Variants in ARHGEF1 observed in about 807,000 individuals in gnomAD.
The protein encoded by ARHGEF1 is 115 kDa guanine nucleotide exchange factor.
Under a neutral mutation model 119.7 loss-of-function variants are expected in ARHGEF1, and 40 were observed. That is an observed-to-expected ratio of 0.33 (90% CI 0.26 to 0.44). The LOEUF is 0.44. Ranked by LOEUF, ARHGEF1 falls within the 20% of genes least tolerant of loss-of-function variation. The pLI is 1.00. For missense variants in ARHGEF1, 976 were observed against 1,268.3 expected (o/e 0.77, Z 3.50); for synonymous variants, 494 against 521.0 (o/e 0.95, Z 0.71).
intron 1 of ARHGEF1, among the ~76,000 whole-genome samples, chr19:41,886,842 T>C (rs1408636855): frequency 6.6e-6 from 1 of 152,146 alleles, no homozygotes; most frequent in Non-Finnish European, 1.5e-5. Flanking sequence ...ATAAATAGCT[T>C]TGGGCTGTGG....
At chr19:41,896,351 C>CATTAAAA in intron 12 of ARHGEF1, 26 bp from the exon 13 acceptor site, 2 of 1,269,474 alleles carry the variant, frequency 1.6e-6, no homozygotes, top group Admixed American at 3.7e-5. Flanking sequence ...GGCCTTCCAG[C>CATTAAAA]CAGCCCTGCT....
upstream of ARHGEF1, among the ~76,000 whole-genome samples, chr19:41,921,519 AG>A (rs377029928): frequency 5.3e-3 from 810 of 152,104 alleles, 4 homozygotes; most frequent in African/African-American, 0.019. This position sits in a 1 kb window ranked among gnomAD's most constrained non-coding sequence, Gnocchi z 4.4. Flanking sequence ...AGAGACAGGC[AG>A]GGGGAGATCC....
rs782070641 is a variant in ARHGEF1 at position 41,888,906 on chromosome 19, G to A, written c.225+41G>A. 2 of 1,549,202 alleles carry A rather than the reference G, an allele frequency of 1.3e-6. No homozygotes were observed. Among genetic ancestry groups the A allele is most frequent in the Non-Finnish European group, 1.8e-6 (2 of 1,129,686 alleles). On this transcript the variant is annotated intron_variant, in intron 4 of 28. Coordinates refer to ENST00000354532, the MANE Select transcript of ARHGEF1 (RefSeq NM_004706.4). The surrounding 1 kb of genome is among the most constrained non-coding windows in gnomAD (Gnocchi z 5.1). Reference sequence around the variant, plus strand: ...GGTGGGCACAGGGAGGGGTGGGGCTGGGACAGGCACAGCTTTTAGCGAATT... The same window carrying A: ...GGTGGGCACAGGGAGGGGTGGGGCTAGGACAGGCACAGCTTTTAGCGAATT...
At chr19:41,907,518 C>G (rs1340429101), downstream of ARHGEF1, 1 of 1,007,752 alleles carries the variant, frequency 9.9e-7, no homozygotes, top group Non-Finnish European at 1.4e-6. Context: ...GACTGTCTGG[C>G]GTTGACATCC....
At chr19:41,921,033 G>A (rs182589911), upstream of ARHGEF1, among the ~76,000 whole-genome samples, 30 of 152,346 alleles carry the variant, frequency 2.0e-4, no homozygotes, top group Admixed American at 1.2e-3. The surrounding 1 kb of genome is among the most constrained non-coding windows in gnomAD (Gnocchi z 4.4). Context: ...GCAGCGCTCC[G>A]AATGGTGTCA....
Position 41,906,096 on chromosome 19 carries a change from T to A in ARHGEF1, c.2491+71T>A. ...GCCTCTGTTCCAACTAGAACAAGGC[T>A]CTCCACGTCAAAAATTTCCTTACGC... On this transcript the variant is annotated intron_variant, in intron 26 of 28. Transcript: ENST00000354532. This position sits in a 1 kb window ranked among gnomAD's most constrained non-coding sequence, Gnocchi z 4.5. 2 of 1,430,354 alleles carry A rather than the reference T, an allele frequency of 1.4e-6. No individual in the cohort carries two copies. The highest frequency in any genetic ancestry group is 2.3e-5 in the South Asian group (2 of 86,150). The allele number at this position is 1,430,354 out of a possible 1,614,324, so 88.6% of individuals were successfully genotyped here. A position where few individuals can be genotyped will look rare whatever the true frequency, so the allele number is the denominator to read the frequency against.
In ARHGEF1 at chr19:41,903,306, G is replaced by A; in HGVS notation, c.1739-1G>A. On this transcript the variant is annotated splice_acceptor_variant, in intron 18 of 28. Transcript: ENST00000354532. LOFTEE classifies it high-confidence loss of function. This position sits in a 1 kb window ranked among gnomAD's most constrained non-coding sequence, Gnocchi z 4.2. ...AGAGCTGCTCTCTCCCTTGCCTGCA[G>A]AAGAGCCCACAGAACGGGAGAAAGT... 6.2e-7 allele frequency: 1 copy of A among 1,613,810 alleles called. No individual in the cohort carries two copies. The highest frequency in any genetic ancestry group is 8.5e-7 in the Non-Finnish European group (1 of 1,179,940).
At position 41,903,900 on chromosome 19, in the gene ARHGEF1, C is replaced by G; in HGVS notation, c.1917+116C>G. 4 of 1,360,412 alleles carry G rather than the reference C, an allele frequency of 2.9e-6. No homozygotes were observed. The highest frequency in any genetic ancestry group is 1.8e-5 in the Admixed American group (1 of 54,054). 84.3% of individuals were successfully genotyped at this position (1,360,412 alleles called of 1,614,324 possible). A position where few individuals can be genotyped will look rare whatever the true frequency, so the allele number is the denominator to read the frequency against. On this transcript the variant is annotated intron_variant, in intron 20 of 28. Transcript: ENST00000354532. The surrounding 1 kb of genome is among the most constrained non-coding windows in gnomAD (Gnocchi z 4.2). ...ATAATACACCCAGGAAGCGAGAGCTCTGTCCCCCACCTCATGCCAATCCCA... is the reference window on the plus strand; with the variant it reads ...ATAATACACCCAGGAAGCGAGAGCTGTGTCCCCCACCTCATGCCAATCCCA...
chr19:41,911,743 G>A (rs1364506659), downstream of ARHGEF1, among the ~76,000 whole-genome samples: 1 of 152,222 alleles, frequency 6.6e-6, no homozygotes, highest in Admixed American at 6.5e-5. Context: ...CACACCCACA[G>A]GACCCCAAGG....
intron 14 of ARHGEF1, among the ~76,000 whole-genome samples, chr19:41,899,505 CTTTTTTTTTTTT>C (rs575816890): frequency 6.9e-5 from 7 of 101,768 alleles, no homozygotes; most frequent in Admixed American, 6.7e-4. Flanking sequence ...AAAGAGAAAG[CTTTTTTTTTTTT>C]TTTTTTTTTA....
rs1236656894 is a variant in ARHGEF1, at chr19:41,903,950, C to T, written c.1918-85C>T. 22 of 1,441,486 alleles carry T rather than the reference C, an allele frequency of 1.5e-5. No homozygotes were observed. The highest frequency in any genetic ancestry group is 2.8e-5 in the African/African-American group (2 of 71,392). 89.3% of individuals were successfully genotyped at this position (1,441,486 alleles called of 1,614,324 possible). A position where few individuals can be genotyped will look rare whatever the true frequency, so the allele number is the denominator to read the frequency against. On this transcript the variant is annotated intron_variant, in intron 20 of 28. Transcript: ENST00000354532. The surrounding 1 kb of genome is among the most constrained non-coding windows in gnomAD (Gnocchi z 4.2). ...ATGATCCCCAGCCTGTGGTCATCCC[C>T]GGCCACTGCCCTGCCCTTCCCCTCC...
Position 41,906,236 on chromosome 19 carries a change from C to G in ARHGEF1, c.2491+211C>G. On this transcript the variant is annotated intron_variant, in intron 26 of 28. Transcript: ENST00000354532. This position sits in a 1 kb window ranked among gnomAD's most constrained non-coding sequence, Gnocchi z 4.5. ...TGCTTGATTCTATATTTAGCCTCTT[C>G]CTGAACACATCTCTGTCTTCAGTAC... 1.5e-6 allele frequency: 1 copy of G among 660,066 alleles called. No individual in the cohort carries two copies. Among genetic ancestry groups the G allele is most frequent in the Non-Finnish European group, 2.6e-6 (1 of 382,734 alleles). The allele number at this position is 660,066 out of a possible 1,614,324, so 40.9% of individuals were successfully genotyped here.
upstream of ARHGEF1, among the ~76,000 whole-genome samples, chr19:41,920,713 G>GCA (rs2074837068): frequency 2.0e-5 from 3 of 152,164 alleles, no homozygotes; most frequent in Non-Finnish European, 2.9e-5. Context: ...GTGCACATGC[G>GCA]CACACACACA....
intron 14 of ARHGEF1, among the ~76,000 whole-genome samples, chr19:41,900,546 C>A (rs1371976273): frequency 2.0e-5 from 3 of 152,212 alleles, no homozygotes; most frequent in Non-Finnish European, 4.4e-5. Context: ...ATATGCCCTC[C>A]GGGGATGTGG....
upstream of ARHGEF1, among the ~76,000 whole-genome samples, chr19:41,922,602 C>G (rs1459139474): frequency 3.3e-5 from 5 of 152,068 alleles, no homozygotes; most frequent in African/African-American, 1.2e-4. Flanking sequence ...GAGAGAGACT[C>G]CGAGGGACGA....
rs549170994 is a variant in ARHGEF1 at position 41,917,619 on chromosome 19, G to A, written c.1866-5473G>A. 1.5e-4 allele frequency among the ~76,000 whole-genome samples: 23 copies of A among 151,714 alleles called. No homozygotes were observed. Among genetic ancestry groups the A allele is most frequent in the African/African-American group, 5.1e-4 (21 of 41,284 alleles). ...AGACCCTTCTGCCACCGCCGCCCCC[G>A]CATGCACACACCATGCCCCAAAGCA... On this transcript the variant is annotated intron_variant, in intron 18 of 20. Coordinates refer to the ARHGEF1 transcript ENST00000599589. The surrounding 1 kb of genome is among the most constrained non-coding windows in gnomAD (Gnocchi z 4.8).
chr19:41,915,255 G>A (rs746899615), intron 18 of ARHGEF1, among the ~76,000 whole-genome samples: 8 of 149,094 alleles, frequency 5.4e-5, no homozygotes, highest in Non-Finnish European at 7.4e-5. Context: ...TCGGCGCTCC[G>A]GGCCCTGCTC....
At chr19:41,909,175 G>A (rs1245390756), downstream of ARHGEF1, 1 of 1,231,664 alleles carries the variant, frequency 8.1e-7, no homozygotes, top group Non-Finnish European at 1.0e-6. This position sits in a 1 kb window ranked among gnomAD's most constrained non-coding sequence, Gnocchi z 5.2. Context: ...GGGTTTGCAG[G>A]GTCTAGAGAG....
chr19:41,892,535 G>A lies in ARHGEF1; in HGVS notation c.368-68G>A. On this transcript the variant is annotated intron_variant, in intron 6 of 28. Transcript: ENST00000354532. This position sits in a 1 kb window ranked among gnomAD's most constrained non-coding sequence, Gnocchi z 6.3. Reference sequence around the variant, plus strand: ...AGGACGTGTGGCTGTTGGAGTCCAAGGGTGGGTGGGGACCGTGGTCCAAGC... The same window carrying A: ...AGGACGTGTGGCTGTTGGAGTCCAAAGGTGGGTGGGGACCGTGGTCCAAGC... 6.4e-7 allele frequency: 1 copy of A among 1,569,052 alleles called. No homozygotes were observed. Among genetic ancestry groups the A allele is most frequent in the Non-Finnish European group, 8.7e-7 (1 of 1,153,856 alleles).
Sources: allele counts gnomAD v4.1 joint callset (sites outside exome capture counted in the v4.1 genomes callset), GRCh38; gene constraint gnomAD v4.1.1; non-coding constraint Gnocchi (gnomAD v3.1); transcripts MANE v1.5; gene names NCBI Gene and HGNC (gene_info 2026-07-23, HGNC 2026-07-21).